Variants in DPP8 observed in about 807,000 individuals in gnomAD.
The protein encoded by DPP8 is DPP VIII.
Under a neutral mutation model 107.5 loss-of-function variants are expected in DPP8, and 31 were observed. The observed-to-expected ratio is 0.29, with a 90% CI of 0.22 to 0.39. The LOEUF (loss-of-function observed/expected upper bound fraction) is 0.39. Among genes scored for constraint, DPP8 ranks in the 10% least tolerant of loss-of-function variants. DPP8 has a pLI of 1.00. For missense variants in DPP8, 842 were observed against 1,076.1 expected (o/e 0.78, Z 3.04); for synonymous variants, 381 against 356.6 (o/e 1.07, Z -0.77).
chr15:65,508,324 G>A lies in DPP8; in HGVS notation c.260-969C>T, dbSNP rs2070331262. ...ACTATACTAATATTAAAACAATACA[G>A]AATCTGGCAACTGATCTGCTGAAAA... On this transcript the variant is annotated intron_variant, in intron 2 of 19. Transcript: ENST00000300141. Among the ~76,000 whole-genome samples the A allele has an allele frequency of 2.0e-5, 3 of 151,996 alleles. No homozygotes were observed. In the South Asian group the frequency reaches 6.2e-4, roughly 31 times the overall value.
intron 14 of DPP8, among the ~76,000 whole-genome samples, chr15:65,464,592 A>C (rs909111016): frequency 1.3e-5 from 2 of 152,062 alleles, no homozygotes; most frequent in African/African-American, 4.8e-5. Flanking sequence ...CTGAGGCAGG[A>C]AGATTGACTG....
chr15:65,494,065 G>A (rs1342527376), intron 5 of DPP8, among the ~76,000 whole-genome samples: 1 of 148,116 alleles, frequency 6.8e-6, no homozygotes, highest in Non-Finnish European at 1.5e-5. Context: ...TTACAGATGT[G>A]GAAACTAAGA....
intron 5 of DPP8, among the ~76,000 whole-genome samples, chr15:65,493,252 T>G (rs2068224442): frequency 6.6e-6 from 1 of 152,222 alleles, no homozygotes; most frequent in South Asian, 2.1e-4. Context: ...CCGGCTAATT[T>G]TGTATTTTTA....
In DPP8 at chr15:65,497,912, A is replaced by T. The variant is rs781731423; in HGVS notation, c.667T>A (p.Ser223Thr). 2 of 1,594,304 alleles carry T rather than the reference A, an allele frequency of 1.3e-6. No individual in the cohort carries two copies. The highest frequency in any genetic ancestry group is 3.4e-5 in the Admixed American group (2 of 59,072). ...CTTTCTTCTCTGGTTACGATGTTAG[A>T]TATCCAAATATCGTTGCTATGTATA... ...AFIHSNDIWI[S>T]NIVTREERRL... The change falls in exon 5 of 20, where the codon TCT becomes ACT. Residue 223 changes from serine (S) to threonine (T), a missense_variant. By Grantham distance (58) the Ser-to-Thr change is moderately conservative. Around this residue, in one of 2 missense-constraint regions of DPP8, gnomAD observed 663 missense variants for 758.0 expected, o/e 0.87. Transcript: ENST00000300141.
Position 65,494,770 on chromosome 15 carries a change from A to G in DPP8, c.715+3094T>C, listed in dbSNP as rs2068416204. On this transcript the variant is annotated intron_variant, in intron 5 of 19. Coordinates refer to ENST00000300141, the MANE Select transcript of DPP8 (RefSeq NM_130434.5). ...AGCTGTTCTGATTTCCTGACTTCAA[A>G]GGGAGACCCATTAAACACCAAAATC... Among the ~76,000 whole-genome samples, 6 of 152,092 alleles carry G rather than the reference A, an allele frequency of 3.9e-5. No individual in the cohort carries two copies. In the South Asian group the frequency reaches 1.2e-3, roughly 32 times the overall value.
intron 8 of DPP8, among the ~76,000 whole-genome samples, chr15:65,484,455 C>T (rs751191632): frequency 1.4e-4 from 21 of 151,662 alleles, no homozygotes; most frequent in Non-Finnish European, 2.8e-4. Flanking sequence ...GGTTGCAAAA[C>T]TCTGTGAATA....
chr15:65,512,048 G>A (rs750083685), intron 2 of DPP8: 9 of 632,704 alleles, frequency 1.4e-5, no homozygotes, highest in South Asian at 1.2e-4. Context: ...GCTTTAGGAA[G>A]AAGCAATTTC....
intron 16 of DPP8, chr15:65,455,562 C>T (rs2064345862): frequency 1.4e-6 from 1 of 701,922 alleles, no homozygotes; most frequent in Admixed American, 4.5e-5. Context: ...CTAATTCCTA[C>T]CACCACCACC....
At chr15:65,496,875 AC>A (rs2068654201) in intron 5 of DPP8, among the ~76,000 whole-genome samples, 1 of 148,160 alleles carries the variant, frequency 6.7e-6, no homozygotes, top group African/African-American at 2.5e-5. Context: ...CAAGTGATCT[AC>A]CCGCCTCAGT....
intron 5 of DPP8, among the ~76,000 whole-genome samples, chr15:65,493,226 G>A (rs563858099): frequency 6.6e-6 from 1 of 152,168 alleles, no homozygotes; most frequent in East Asian, 1.9e-4. Context: ...TGGGATTACA[G>A]GCGTGTGCCA....
chr15:65,475,564 A>G, intron 11 of DPP8: 1 of 1,256,450 alleles, frequency 8.0e-7, no homozygotes, highest in Non-Finnish European at 1.2e-6. Flanking sequence ...GCACTGAATT[A>G]GGACTGGCTT....
At chr15:65,448,922 A>ATT (rs2063757349) in intron 19 of DPP8, among the ~76,000 whole-genome samples, 3 of 90,880 alleles carry the variant, frequency 3.3e-5, no homozygotes, top group African/African-American at 1.2e-4. Flanking sequence ...ATATATATAT[A>ATT]TTTAGCCTGG....
chr15:65,446,745 GCAC>G lies in DPP8; in HGVS notation c.*136_*138del, dbSNP rs2063513547. On this transcript the variant is annotated 3_prime_UTR_variant, in exon 20 of 20. Transcript: ENST00000300141. ...ACCACAAACCGTAGACCCCTGCATG[GCAC>G]CACATTTATTTTCAGGAGTAGATGT... The G allele has an allele frequency of 3.7e-6, 3 of 819,038 alleles. No homozygotes were observed. The highest frequency in any genetic ancestry group is 5.4e-6 in the Non-Finnish European group (3 of 556,408). 50.7% of individuals were successfully genotyped at this position (819,038 alleles called of 1,614,324 possible). A position where few individuals can be genotyped will look rare whatever the true frequency, so the allele number is the denominator to read the frequency against.
intron 10 of DPP8, among the ~76,000 whole-genome samples, chr15:65,479,542 TC>T (rs2066706243): frequency 1.3e-5 from 2 of 152,170 alleles, no homozygotes; most frequent in South Asian, 4.1e-4. Context: ...AATTCAAAAT[TC>T]AATTAAGAAT....
intron 11 of DPP8, among the ~76,000 whole-genome samples, chr15:65,476,365 G>C (rs976086301): frequency 6.6e-6 from 1 of 151,904 alleles, no homozygotes; most frequent in African/African-American, 2.4e-5. Flanking sequence ...TTAACATATA[G>C]ATAACAAATA....
rs377255923 is a variant in DPP8, at chr15:65,475,915, A to AT, written c.1457-1628dup. Among the ~76,000 whole-genome samples the AT allele has an allele frequency of 4.0e-5, 6 of 151,188 alleles. No individual in the cohort carries two copies. The East Asian group carries it at 5.8e-4, about 15-fold the overall frequency. On this transcript the variant is annotated intron_variant, in intron 11 of 19. Coordinates refer to ENST00000300141, the MANE Select transcript of DPP8 (RefSeq NM_130434.5). The stretch of plus-strand genomic sequence containing the variant: ...AGGCTCATGCCACCACACTTGGTTA[A>AT]TTTTTTTTTGTCTTTTTTGTAGAGA...
At chr15:65,452,481 T>C (rs1028590175) in intron 17 of DPP8, among the ~76,000 whole-genome samples, 5 of 152,010 alleles carry the variant, frequency 3.3e-5, no homozygotes, top group Non-Finnish European at 5.9e-5. Flanking sequence ...GTTGGCAGTA[T>C]AGAATTTAAA....
chr15:65,472,758 G>T (rs2066005496), intron 12 of DPP8, among the ~76,000 whole-genome samples: 1 of 152,156 alleles, frequency 6.6e-6, no homozygotes, highest in Non-Finnish European at 1.5e-5. Context: ...TGGTGGGCTT[G>T]GCCAGGCGTG....
At chr15:65,463,661 C>A in intron 15 of DPP8, 100 bp downstream of exon 15, 1 of 1,037,616 alleles carries the variant, frequency 9.6e-7, no homozygotes, top group Non-Finnish European at 1.4e-6. Flanking sequence ...AAATGCCCAA[C>A]AATGCTCAAA....
Sources: allele counts gnomAD v4.1 joint callset (sites outside exome capture counted in the v4.1 genomes callset), GRCh38; gene constraint gnomAD v4.1.1; regional missense constraint gnomAD v4.1.1; transcripts MANE v1.5; gene names NCBI Gene and HGNC (gene_info 2026-07-23, HGNC 2026-07-21).